The following FLNB variants were observed in gnomAD, a reference collection of about 807,000 sequenced individuals.
The protein encoded by FLNB is filamin B.
Under a neutral mutation model 250.6 loss-of-function variants are expected in FLNB, and 111 were observed. The observed-to-expected ratio is 0.44, with a 90% CI of 0.38 to 0.52. The LOEUF is 0.52. FLNB is among the 20% of genes least tolerant of loss of function. The pLI is 0.00. For missense variants in FLNB, 2,869 were observed against 3,447.8 expected (o/e 0.83, Z 4.20); for synonymous variants, 1,302 against 1,372.1 (o/e 0.95, Z 1.13).
intron 24 of FLNB, among the ~76,000 whole-genome samples, chr3:58,129,000 A>G (rs1168209590): frequency 6.6e-6 from 1 of 152,142 alleles, no homozygotes; most frequent in Non-Finnish European, 1.5e-5. Context: ...TCTAAGCATC[A>G]GGCTTCTTAG....
chr3:58,046,222 G>A (rs2097153910), intron 1 of FLNB, among the ~76,000 whole-genome samples: 1 of 152,046 alleles, frequency 6.6e-6, no homozygotes, highest in South Asian at 2.1e-4. Context: ...CAGGGACCAA[G>A]GGATTTGGCT....
At chr3:58,118,272 G>A (rs560761220) in intron 18 of FLNB, among the ~76,000 whole-genome samples, 29 of 152,336 alleles carry the variant, frequency 1.9e-4, no homozygotes, top group African/African-American at 6.5e-4. Flanking sequence ...GATGGTCTTA[G>A]CACAGGTCTA....
At chr3:58,061,207 A>G (rs968419968) in intron 1 of FLNB, among the ~76,000 whole-genome samples, 1 of 152,208 alleles carries the variant, frequency 6.6e-6, no homozygotes, top group African/African-American at 2.4e-5. Context: ...TGTCTTGTCA[A>G]GAGACAGTCT....
intron 1 of FLNB, among the ~76,000 whole-genome samples, chr3:58,041,460 A>G (rs1055128458): frequency 6.6e-6 from 1 of 152,118 alleles, no homozygotes; most frequent in Non-Finnish European, 1.5e-5. Context: ...GCAGGCCTTC[A>G]GTGGTGAGGA....
At chr3:58,110,543 C>T (rs969490444) in intron 16 of FLNB, among the ~76,000 whole-genome samples, 5 of 152,086 alleles carry the variant, frequency 3.3e-5, no homozygotes, top group Non-Finnish European at 7.4e-5. Context: ...CTCTGCCTCC[C>T]GGGTTCAAGT....
At chr3:58,091,096 T>G (rs1043588198) in intron 4 of FLNB, among the ~76,000 whole-genome samples, 7 of 148,936 alleles carry the variant, frequency 4.7e-5, no homozygotes, top group Non-Finnish European at 7.5e-5. Flanking sequence ...AAAAAAAAAG[T>G]CAAATAGTAA....
At chr3:58,110,788 AG>A (rs1559700498) in intron 16 of FLNB, among the ~76,000 whole-genome samples, 1 of 152,130 alleles carries the variant, frequency 6.6e-6, no homozygotes, top group South Asian at 2.1e-4. Flanking sequence ...ACGGTTGCCC[AG>A]ACTGCTCTCG....
chr3:58,158,210 A>C (rs1395042852), intron 41 of FLNB, among the ~76,000 whole-genome samples: 1 of 152,230 alleles, frequency 6.6e-6, no homozygotes, highest in African/African-American at 2.4e-5. Flanking sequence ...ACAGTCCAAT[A>C]GTAGGTTCTG....
Position 58,168,935 on chromosome 3 carries a change from A to C in FLNB, c.7417+277A>C, listed in dbSNP as rs896173871. On this transcript the variant is annotated intron_variant, in intron 44 of 45. Coordinates refer to ENST00000295956, the MANE Select transcript of FLNB (RefSeq NM_001457.4). ...ATATTGAAATCTTACGTATTTGTTT[A>C]GATCAGGGTCTGAAAAATCCCCTGA... 2.3e-5 allele frequency: 10 copies of C among 428,640 alleles called. No individual in the cohort carries two copies. The Admixed American group carries it at 3.7e-4, about 16-fold the overall frequency. The allele number at this position is 428,640 out of a possible 1,614,324, so 26.6% of individuals were successfully genotyped here. A position where few individuals can be genotyped will look rare whatever the true frequency, so the allele number is the denominator to read the frequency against.
intron 41 of FLNB, among the ~76,000 whole-genome samples, chr3:58,158,703 C>T (rs2097356911): frequency 1.3e-5 from 2 of 152,182 alleles, no homozygotes; most frequent in African/African-American, 2.4e-5. Flanking sequence ...ACCATCTGAA[C>T]TTCTAATCCC....
chr3:58,142,514 A>G lies in FLNB; in HGVS notation c.5182-136A>G, dbSNP rs981587232. 4 of 763,782 alleles carry G rather than the reference A, an allele frequency of 5.2e-6. No homozygotes were observed. The highest frequency in any genetic ancestry group is 9.0e-6 in the Non-Finnish European group (4 of 443,678). The allele number at this position is 763,782 out of a possible 1,614,324, so 47.3% of individuals were successfully genotyped here. On this transcript the variant is annotated intron_variant, in intron 30 of 45. Coordinates refer to ENST00000295956, the MANE Select transcript of FLNB (RefSeq NM_001457.4). This position sits in a 1 kb window ranked among gnomAD's most constrained non-coding sequence, Gnocchi z 4.3. Reference sequence around the variant, plus strand: ...GTCTGGAGCCACTTAGACAAAGCCCATACCACAATGGGCAGCCGCATTCCC... The same window carrying G: ...GTCTGGAGCCACTTAGACAAAGCCCGTACCACAATGGGCAGCCGCATTCCC...
intron 38 of FLNB, 113 bp from the exon 39 acceptor site, chr3:58,153,262 C>T (rs553912823): frequency 8.0e-6 from 10 of 1,249,110 alleles, no homozygotes; most frequent in African/African-American, 5.9e-5. Flanking sequence ...GGGCACCTCA[C>T]GTCCACCGGG....
At chr3:58,156,373 C>T (rs974820889) in intron 41 of FLNB, among the ~76,000 whole-genome samples, 6 of 152,222 alleles carry the variant, frequency 3.9e-5, no homozygotes, top group African/African-American at 1.4e-4. Context: ...CTGTTCATAA[C>T]TGGTTAAGGG....
chr3:58,056,956 G>A (rs2097171537), intron 1 of FLNB, among the ~76,000 whole-genome samples: 1 of 151,772 alleles, frequency 6.6e-6, no homozygotes, highest in South Asian at 2.1e-4. Flanking sequence ...AAATTCTTGG[G>A]ATGTGAGAAA....
intron 36 of FLNB, 47 bp downstream of exon 36, chr3:58,148,899 T>C: frequency 3.2e-6 from 5 of 1,549,672 alleles, no homozygotes; most frequent in South Asian, 1.1e-5. Context: ...GGGAACCGAC[T>C]TATTTTGCTG....
intron 1 of FLNB, among the ~76,000 whole-genome samples, chr3:58,021,091 C>T (rs1351353499): frequency 6.6e-6 from 1 of 152,174 alleles, no homozygotes; most frequent in East Asian, 1.9e-4. Flanking sequence ...ACCCTGGTTT[C>T]CCTGCACCTC....
At chr3:58,016,754 AAATT>A (rs925242915) in intron 1 of FLNB, among the ~76,000 whole-genome samples, 48 of 152,038 alleles carry the variant, frequency 3.2e-4, no homozygotes, top group African/African-American at 1.1e-3. Context: ...TGAGTATTCT[AAATT>A]AAGGAGCTGG....
chr3:58,147,676 T>G (rs1263220517), intron 34 of FLNB, among the ~76,000 whole-genome samples: 1 of 152,328 alleles, frequency 6.6e-6, no homozygotes, highest in East Asian at 1.9e-4. Context: ...TATTTTATTT[T>G]TGAGACAGAG....
intron 25 of FLNB, chr3:58,132,475 C>T: frequency 2.3e-6 from 1 of 440,016 alleles, no homozygotes; most frequent in Non-Finnish European, 4.2e-6. Flanking sequence ...GCCTAACCAG[C>T]TTGAAAGGTT....
Sources: gnomAD v4.1 joint callset for allele counts (sites outside exome capture counted in the v4.1 genomes callset) on GRCh38, gnomAD v4.1.1 for gene constraint, Gnocchi (gnomAD v3.1) non-coding constraint, MANE v1.5 for transcripts, NCBI Gene and HGNC (gene_info 2026-07-23, HGNC 2026-07-21) for gene names.